ABCC4: variants seen among roughly 807,000 people sequenced by gnomAD.
ABCC4 encodes the protein ATP-binding cassette sub-family C member 4.
In ABCC4, 102 loss-of-function variants were observed where a neutral mutation model predicts 168.5. That is an observed-to-expected ratio of 0.61 (90% CI 0.52 to 0.71). ABCC4 has a LOEUF of 0.71. Ranked by LOEUF, ABCC4 falls within the 30% of genes least tolerant of loss-of-function variation. The pLI, the probability that ABCC4 is intolerant of heterozygous loss-of-function variation, is 0.00. For missense variants in ABCC4, 1,402 were observed against 1,605.8 expected, an observed-to-expected ratio of 0.87 and a Z score of 2.17; for synonymous variants, 617 against 590.7, an observed-to-expected ratio of 1.04 and a Z score of -0.65.
Position 95,255,386 on chromosome 13 carries a change from T to C in ABCC4, c.75-7633A>G, listed in dbSNP as rs2040367550. 2.0e-5 allele frequency among the ~76,000 whole-genome samples: 3 copies of C among 152,224 alleles called. No individual in the cohort carries two copies. In the South Asian group the frequency reaches 6.2e-4, roughly 32 times the overall value. ...CCTGATTTCTTCAATCTCCTCCCATTCTCTGTAGTCCAAAATAGCCATTCT... is the reference window on the plus strand; with the variant it reads ...CCTGATTTCTTCAATCTCCTCCCATCCTCTGTAGTCCAAAATAGCCATTCT... On this transcript the variant is annotated intron_variant, in intron 1 of 30. Transcript: ENST00000645237.
chr13:95,241,312 C>A (rs1263405866), intron 3 of ABCC4, among the ~76,000 whole-genome samples: 2 of 151,206 alleles, frequency 1.3e-5, no homozygotes, highest in African/African-American at 4.9e-5. Flanking sequence ...TTGCAGTGAG[C>A]CGAGATCGTG....
rs1049918565 is a variant in ABCC4 at position 95,166,219 on chromosome 13, G to A, written c.1973C>T (p.Ser658Leu). 73 of 1,614,016 alleles carry A rather than the reference G, an allele frequency of 4.5e-5. No homozygotes were observed. The highest frequency in any genetic ancestry group is 5.6e-5 in the Non-Finnish European group (66 of 1,180,026). Reference protein sequence around the residue: ...TLRNRTFSESSVWSQQSSRPS... With the variant: ...TLRNRTFSESLVWSQQSSRPS... ...TCTAGAAGATTGTTGAGACCAAACC[G>A]AAGACTCTGAGAAGGTACGATTCCT... The change falls in exon 15 of 31, where the codon TCG becomes TTG. Residue 658 changes from serine to leucine, a missense_variant. Around this residue, in one of 3 missense-constraint regions of ABCC4, gnomAD observed 1,007 missense variants for 1,127.3 expected, o/e 0.89. Coordinates refer to ENST00000645237, the MANE Select transcript of ABCC4 (RefSeq NM_005845.5).
rs539945086 is a variant in ABCC4 at position 95,177,613 on chromosome 13, G to C, written c.1727+94C>G. 4.2e-6 allele frequency: 4 copies of C among 953,154 alleles called. No individual in the cohort carries two copies. In the East Asian group the frequency reaches 1.0e-4, roughly 24 times the overall value. 59.0% of individuals were successfully genotyped at this position (953,154 alleles called of 1,614,324 possible). ...AGTGTGGGGAGGGGAGCGGACACCA[G>C]AGTAGGATGAGCTGAAAGCCATAAA... On this transcript the variant is annotated intron_variant, in intron 13 of 30. Coordinates refer to ENST00000645237, the MANE Select transcript of ABCC4 (RefSeq NM_005845.5).
intron 13 of ABCC4, among the ~76,000 whole-genome samples, chr13:95,175,768 G>A (rs946478291): frequency 2.0e-5 from 3 of 152,196 alleles, no homozygotes; most frequent in African/African-American, 7.2e-5. Context: ...GAAAGCCCTC[G>A]GGAGGAGCTG....
chr13:95,135,778 T>C (rs1236479051), intron 19 of ABCC4, among the ~76,000 whole-genome samples: 1 of 152,200 alleles, frequency 6.6e-6, no homozygotes, highest in Non-Finnish European at 1.5e-5. Flanking sequence ...AGAAAATATT[T>C]TGACAAATAT....
intron 1 of ABCC4, among the ~76,000 whole-genome samples, chr13:95,281,403 G>A (rs1485096501): frequency 1.3e-5 from 2 of 151,044 alleles, no homozygotes; most frequent in Non-Finnish European, 2.9e-5. Flanking sequence ...ACAGGCTTTT[G>A]CCCAAGACAC....
intron 21 of ABCC4, among the ~76,000 whole-genome samples, chr13:95,077,830 C>A (rs1171107355): frequency 6.6e-6 from 1 of 152,172 alleles, no homozygotes; most frequent in African/African-American, 2.4e-5. Context: ...ACTGTACACA[C>A]AGACACTGCA....
intron 20 of ABCC4, among the ~76,000 whole-genome samples, chr13:95,091,960 G>A (rs184594404): frequency 6.6e-6 from 1 of 152,194 alleles, no homozygotes; most frequent in Non-Finnish European, 1.5e-5. Flanking sequence ...ACTTAAAGGG[G>A]TGGAAAAAGG....
At position 95,062,843 on chromosome 13, in the gene ABCC4, C is replaced by T; in HGVS notation, c.3227G>A (p.Arg1076Lys). The change falls in exon 26 of 31, where the codon AGA becomes AAA. Residue 1076 changes from arginine to lysine, a missense_variant. Arg to Lys is a conservative substitution (Grantham distance 26). Coordinates refer to ENST00000645237, the MANE Select transcript of ABCC4 (RefSeq NM_005845.5). ...KSQEKVGIVG[R>K]TGAGKSSLIS... ...GAGGGAACTTTTTCCAGCTCCGGTT[C>T]TTCCCACAATGCCAACCTACAGAGA... is the stretch of plus-strand genomic sequence containing the variant. 2.5e-6 allele frequency: 4 copies of T among 1,612,472 alleles called. No individual in the cohort carries two copies. The highest frequency in any genetic ancestry group is 3.4e-6 in the Non-Finnish European group (4 of 1,179,682).
chr13:95,286,123 C>CTTTTTTTTTTTTTTTTTTTTTTTT, intron 1 of ABCC4, among the ~76,000 whole-genome samples: 1 of 105,522 alleles, frequency 9.5e-6, no homozygotes, highest in Non-Finnish European at 1.9e-5. Flanking sequence ...TCCAGAAAAA[C>CTTTTTTTTTTTTTTTTTTTTTTTT]TTTTTTTTTT....
At chr13:95,271,115 A>G (rs2040836465) in intron 1 of ABCC4, among the ~76,000 whole-genome samples, 1 of 152,218 alleles carries the variant, frequency 6.6e-6, no homozygotes, top group African/African-American at 2.4e-5. Context: ...TGGTGGTCAA[A>G]TGATAAGCAG....
intron 1 of ABCC4, among the ~76,000 whole-genome samples, chr13:95,284,549 C>T (rs1437759791): frequency 2.0e-5 from 3 of 152,242 alleles, no homozygotes; most frequent in African/African-American, 7.2e-5. Flanking sequence ...GGCAAGGACA[C>T]TGCCCACAGG....
chr13:95,090,831 CA>C (rs376494699), intron 20 of ABCC4, among the ~76,000 whole-genome samples: 11 of 152,192 alleles, frequency 7.2e-5, no homozygotes, highest in African/African-American at 2.4e-4. Flanking sequence ...TTAAGCTAAT[CA>C]GGGGGGCACC....
intron 1 of ABCC4, among the ~76,000 whole-genome samples, chr13:95,248,754 T>C (rs940068866): frequency 3.9e-5 from 6 of 152,058 alleles, no homozygotes; most frequent in Non-Finnish European, 8.8e-5. Context: ...TACTAAAAAC[T>C]TATAAAGAAA....
At chr13:95,205,748 G>T (rs1353984410) in intron 8 of ABCC4, among the ~76,000 whole-genome samples, 1 of 152,216 alleles carries the variant, frequency 6.6e-6, no homozygotes, top group East Asian at 1.9e-4. Flanking sequence ...GAGGTGATCA[G>T]GTCGCTACGG....
At chr13:95,208,895 C>T (rs2038866493) in intron 6 of ABCC4, among the ~76,000 whole-genome samples, 1 of 152,128 alleles carries the variant, frequency 6.6e-6, no homozygotes, top group Non-Finnish European at 1.5e-5. Context: ...GTTGGGATTA[C>T]AGGCTTCAGC....
chr13:95,077,572 C>A (rs1201874464), intron 21 of ABCC4, among the ~76,000 whole-genome samples: 1 of 151,770 alleles, frequency 6.6e-6, no homozygotes, highest in Admixed American at 6.6e-5. Context: ...TCCTGGGCTC[C>A]AGCAATCAGG....
chr13:95,242,687 T>C (rs1479767444), intron 3 of ABCC4, among the ~76,000 whole-genome samples: 1 of 152,126 alleles, frequency 6.6e-6, no homozygotes, highest in African/African-American at 2.4e-5. Context: ...GCCTGGCCAA[T>C]AAATAGCTTT....
At chr13:95,269,340 T>C in intron 1 of ABCC4, 1 of 455,066 alleles carries the variant, frequency 2.2e-6, no homozygotes, top group Non-Finnish European at 4.4e-6. Flanking sequence ...GCAGGAGGAC[T>C]GCTTGAACAC....
Sources: gnomAD v4.1 joint callset for allele counts (sites outside exome capture counted in the v4.1 genomes callset) on GRCh38, gnomAD v4.1.1 for gene constraint, gnomAD v4.1.1 regional missense constraint, MANE v1.5 for transcripts, NCBI Gene and HGNC (gene_info 2026-07-23, HGNC 2026-07-21) for gene names.